The following CTDSPL variants were observed in gnomAD, a reference collection of about 807,000 sequenced individuals.
CTDSPL encodes the protein CTD small phosphatase like.
Under a neutral mutation model 30.5 loss-of-function variants are expected in CTDSPL, and 8 were observed. That is an observed-to-expected ratio of 0.26 (90% CI 0.15 to 0.47). The LOEUF (loss-of-function observed/expected upper bound fraction) is 0.47. Ranked by LOEUF, CTDSPL falls within the 20% of genes least tolerant of loss-of-function variation. CTDSPL has a pLI of 0.99. For missense variants in CTDSPL, 248 were observed against 366.1 expected (o/e 0.68, Z 2.63); for synonymous variants, 110 against 137.9 (o/e 0.80, Z 1.42).
intron 1 of CTDSPL, among the ~76,000 whole-genome samples, chr3:37,871,202 T>C (rs116685727): frequency 0.013 from 1,951 of 152,316 alleles, 44 homozygotes; most frequent in African/African-American, 0.044. Flanking sequence ...ATACTTGGAA[T>C]CATATAGTAT....
At chr3:37,913,587 C>T (rs745548096) in intron 1 of CTDSPL, among the ~76,000 whole-genome samples, 1 of 152,088 alleles carries the variant, frequency 6.6e-6, no homozygotes, top group Admixed American at 6.5e-5. Context: ...ATTGGGGAGA[C>T]CTGCAGTCTG....
intron 6 of CTDSPL, among the ~76,000 whole-genome samples, chr3:37,973,875 C>T (rs1419720388): frequency 6.6e-6 from 1 of 152,244 alleles, no homozygotes; most frequent in Non-Finnish European, 1.5e-5. Flanking sequence ...CAGACTCAGA[C>T]ACTCTTGAAA....
chr3:37,977,741 C>G (rs1299725362), intron 7 of CTDSPL, among the ~76,000 whole-genome samples: 1 of 151,554 alleles, frequency 6.6e-6, no homozygotes, highest in Non-Finnish European at 1.5e-5. Flanking sequence ...AAAAAATTAG[C>G]CAGACGGGGT....
intron 1 of CTDSPL, among the ~76,000 whole-genome samples, chr3:37,925,717 G>C (rs935430893): frequency 6.6e-6 from 1 of 152,190 alleles, no homozygotes; most frequent in Non-Finnish European, 1.5e-5. Flanking sequence ...AGGGATGCTT[G>C]TTGGGGTACA....
intron 4 of CTDSPL, 51 bp from the exon 5 acceptor site, chr3:37,967,773 CAG>C: frequency 7.3e-7 from 1 of 1,361,434 alleles, no homozygotes; most frequent in Non-Finnish European, 1.0e-6. Context: ...CTAAAATTTC[CAG>C]AGTTTTTTTG....
At chr3:37,941,644 C>A (rs1698979934) in intron 1 of CTDSPL, among the ~76,000 whole-genome samples, 1 of 150,152 alleles carries the variant, frequency 6.7e-6, no homozygotes, top group African/African-American at 2.4e-5. Context: ...CCCGCCTTGG[C>A]CTCCCCAAGT....
At chr3:37,957,812 G>T (rs564651448) in intron 3 of CTDSPL, among the ~76,000 whole-genome samples, 1 of 152,278 alleles carries the variant, frequency 6.6e-6, no homozygotes, top group South Asian at 2.1e-4. Context: ...CGCTGTCCTG[G>T]CTGTCCCTTC....
At chr3:37,942,547 G>A (rs766964664) in intron 1 of CTDSPL, among the ~76,000 whole-genome samples, 1 of 150,182 alleles carries the variant, frequency 6.7e-6, no homozygotes, top group East Asian at 2.0e-4. Flanking sequence ...GGAGACTGAG[G>A]TGGGAGGATG....
At chr3:37,900,932 G>A (rs1698443360) in intron 1 of CTDSPL, among the ~76,000 whole-genome samples, 1 of 152,102 alleles carries the variant, frequency 6.6e-6, no homozygotes, top group African/African-American at 2.4e-5. Context: ...CTAGTAGCCA[G>A]GATTACAGGC....
At chr3:37,924,623 G>T (rs1208011827) in intron 1 of CTDSPL, among the ~76,000 whole-genome samples, 1 of 152,206 alleles carries the variant, frequency 6.6e-6, no homozygotes, top group Non-Finnish European at 1.5e-5. Context: ...TTCCAGTCTG[G>T]TTTCTAAAAT....
chr3:37,982,861 G>A lies in CTDSPL; in HGVS notation c.*1994G>A. 2.8e-6 allele frequency: 1 copy of A among 351,624 alleles called. No homozygotes were observed. Among genetic ancestry groups the A allele is most frequent in the Non-Finnish European group, 5.6e-6 (1 of 177,264 alleles). 21.8% of individuals were successfully genotyped at this position (351,624 alleles called of 1,614,324 possible). On this transcript the variant is annotated 3_prime_UTR_variant, in exon 8 of 8. Transcript: ENST00000273179. ...TCTTGAATGTTGCAGTCAAGTGTCT[G>A]TCATGTGTTGATATCCACACAGAAT...
chr3:37,908,979 CTT>C (rs1232773212), intron 1 of CTDSPL, among the ~76,000 whole-genome samples: 9 of 152,128 alleles, frequency 5.9e-5, no homozygotes, highest in African/African-American at 2.2e-4. Context: ...GATATTTAGT[CTT>C]TGTCGTAATT....
At chr3:37,971,349 C>G in intron 5 of CTDSPL, 58 bp from the exon 6 acceptor site, 1 of 1,517,562 alleles carries the variant, frequency 6.6e-7, no homozygotes, top group South Asian at 1.2e-5. Context: ...CATTTGGGCC[C>G]CAGGCCATCC....
intron 1 of CTDSPL, among the ~76,000 whole-genome samples, chr3:37,878,681 A>G (rs1189858966): frequency 6.6e-6 from 1 of 152,190 alleles, no homozygotes; most frequent in Non-Finnish European, 1.5e-5. Context: ...ACATTTTGCA[A>G]TTAGGGGGAC....
At chr3:37,885,081 A>C (rs1346590659) in intron 1 of CTDSPL, among the ~76,000 whole-genome samples, 1 of 152,212 alleles carries the variant, frequency 6.6e-6, no homozygotes, top group Non-Finnish European at 1.5e-5. Context: ...GCTTCAGAGG[A>C]TGAGAGAATT....
At chr3:37,974,790 CAG>C (rs907275795) in intron 6 of CTDSPL, among the ~76,000 whole-genome samples, 19 of 152,194 alleles carry the variant, frequency 1.2e-4, no homozygotes, top group Admixed American at 1.1e-3. Flanking sequence ...TCCTGTCACT[CAG>C]GGGCTGGTCT....
In CTDSPL at chr3:37,958,145, G is replaced by A. The variant is rs376676347; in HGVS notation, c.267+1002G>A. Among the ~76,000 whole-genome samples, 3 of 152,208 alleles carry A rather than the reference G, an allele frequency of 2.0e-5. No homozygotes were observed. In the East Asian group the frequency reaches 5.8e-4, roughly 29 times the overall value. On this transcript the variant is annotated intron_variant, in intron 3 of 7. Transcript: ENST00000273179. ...AGAAAGGAGTAGATGGATTTCACGT[G>A]TGCAGGTTGACTCCAAAGGCTTTGG...
chr3:37,932,462 AC>A (rs1337650635), intron 1 of CTDSPL, among the ~76,000 whole-genome samples: 1 of 152,234 alleles, frequency 6.6e-6, no homozygotes, highest in African/African-American at 2.4e-5. Flanking sequence ...CTGATATATG[AC>A]AAAGGAACTC....
chr3:37,952,061 C>G (rs1699116128), intron 2 of CTDSPL, among the ~76,000 whole-genome samples: 2 of 152,072 alleles, frequency 1.3e-5, no homozygotes, highest in South Asian at 4.2e-4. Context: ...TCTATAATCC[C>G]TGCACTTTGA....
Sources: allele counts gnomAD v4.1 joint callset (sites outside exome capture counted in the v4.1 genomes callset), GRCh38; gene constraint gnomAD v4.1.1; transcripts MANE v1.5; gene names NCBI Gene and HGNC (gene_info 2026-07-23, HGNC 2026-07-21).